RIN2: variants seen among roughly 807,000 people sequenced by gnomAD.
The protein encoded by RIN2 is RAB5 interacting protein 2.
RIN2 carries 36 observed loss-of-function variants against 78.0 expected under a neutral mutation model. The ratio of observed to expected loss-of-function variants is 0.46; its 90% confidence interval spans 0.35 to 0.61. The LOEUF (loss-of-function observed/expected upper bound fraction) is 0.61, where lower values mean the gene tolerates loss of function less well. Ranked by LOEUF, RIN2 falls within the 20% of genes least tolerant of loss-of-function variation. The pLI is 0.00. For synonymous variants in RIN2, 466 were observed against 466.8 expected (o/e 1.00, Z 0.02); for missense variants, 1,087 against 1,159.7 (o/e 0.94, Z 0.91).
intron 9 of RIN2, among the ~76,000 whole-genome samples, chr20:19,984,939 C>G (rs2146362276): frequency 6.6e-6 from 1 of 152,326 alleles, no homozygotes; most frequent in African/African-American, 2.4e-5. Context: ...ATCACCAACT[C>G]AGTTAGGTTC....
rs1397020605 is a variant in RIN2, at chr20:19,956,476, A to G, written c.159-139A>G. ...TGCCCTCAGAAAGCTTTCAGTCTGG[A>G]AGAGAAGATGATTAAGGGGGCGATC... On this transcript the variant is annotated intron_variant, in intron 4 of 12. Coordinates refer to ENST00000255006, the MANE Select transcript of RIN2 (RefSeq NM_018993.4). 5.7e-6 allele frequency: 4 copies of G among 705,146 alleles called. No individual in the cohort carries two copies. In the African/African-American group the frequency reaches 7.1e-5, roughly 12 times the overall value. 43.7% of individuals were successfully genotyped at this position (705,146 alleles called of 1,614,324 possible). A position where few individuals can be genotyped will look rare whatever the true frequency, so the allele number is the denominator to read the frequency against.
intron 5 of RIN2, among the ~76,000 whole-genome samples, chr20:19,957,152 T>G (rs1028550723): frequency 6.6e-6 from 1 of 152,174 alleles, no homozygotes; most frequent in Non-Finnish European, 1.5e-5. Context: ...CTTGGTGGCC[T>G]CTGCTACCTT....
chr20:19,917,280 T>C (rs1336522560), intron 3 of RIN2, among the ~76,000 whole-genome samples: 1 of 152,098 alleles, frequency 6.6e-6, no homozygotes, highest in Non-Finnish European at 1.5e-5. Context: ...ACCAACCAAG[T>C]GATCTGTTGC....
intron 3 of RIN2, among the ~76,000 whole-genome samples, chr20:19,905,388 C>T (rs967589561): frequency 3.3e-5 from 5 of 152,098 alleles, no homozygotes; most frequent in East Asian, 1.9e-4. Context: ...ACAAAGCAAA[C>T]GATGACACTC....
At chr20:19,936,423 A>G (rs148203708) in intron 4 of RIN2, among the ~76,000 whole-genome samples, 2 of 134,378 alleles carry the variant, frequency 1.5e-5, no homozygotes, top group Admixed American at 1.5e-4. Flanking sequence ...GAATTTCTCT[A>G]TCCTGTGCCT....
chr20:19,898,150 T>A (rs1446985774), intron 3 of RIN2, among the ~76,000 whole-genome samples: 1 of 152,228 alleles, frequency 6.6e-6, no homozygotes, highest in Non-Finnish European at 1.5e-5. Flanking sequence ...TTTTCATATT[T>A]TCAAAAAGCA....
At position 20,000,786 on chromosome 20, in the gene RIN2, G is replaced by A; in HGVS notation, c.2538G>A (p.Gln846=). The A allele has an allele frequency of 1.2e-6, 2 of 1,614,002 alleles. No individual in the cohort carries two copies. The highest frequency in any genetic ancestry group is 1.7e-6 in the Non-Finnish European group (2 of 1,179,896). Residue 846 remains glutamine, a synonymous_variant, in exon 13 of 13, where the codon CAG becomes CAA. Transcript: ENST00000255006. ...LFLFVDETWQ[Q]LAEDTYPQKI... The stretch of plus-strand genomic sequence containing the variant: ...TCTTCGTTGACGAGACATGGCAGCA[G>A]CTGGCAGAGGACACTTACCCTCAAA...
intron 2 of RIN2, among the ~76,000 whole-genome samples, chr20:19,833,700 T>C (rs1465615211): frequency 6.6e-6 from 1 of 152,230 alleles, no homozygotes; most frequent in East Asian, 1.9e-4. Context: ...TCTTCAAGCC[T>C]GGGCTGGTGC....
intron 1 of RIN2, among the ~76,000 whole-genome samples, chr20:19,795,971 G>T (rs960368755): frequency 2.0e-5 from 3 of 151,974 alleles, no homozygotes; most frequent in East Asian, 1.9e-4. Context: ...CTATAATCTT[G>T]CAGTGAGCCG....
At chr20:19,835,073 AAG>A (rs1555829777) in intron 2 of RIN2, among the ~76,000 whole-genome samples, 14 of 88,656 alleles carry the variant, frequency 1.6e-4, no homozygotes, top group East Asian at 9.8e-4. Flanking sequence ...GAAAAAGAGA[AAG>A]AGAAAGAAAG....
chr20:19,998,941 G>A (rs1446172561), intron 12 of RIN2, among the ~76,000 whole-genome samples: 1 of 152,150 alleles, frequency 6.6e-6, no homozygotes, highest in Non-Finnish European at 1.5e-5. Context: ...ACACCATAGA[G>A]CTGCCTTCTT....
intron 2 of RIN2, among the ~76,000 whole-genome samples, chr20:19,858,133 A>T (rs1394994003): frequency 2.0e-5 from 3 of 151,798 alleles, no homozygotes; most frequent in Non-Finnish European, 4.4e-5. Context: ...TTTAAAAAAA[A>T]ATATTAAGAT....
intron 7 of RIN2, among the ~76,000 whole-genome samples, chr20:19,970,221 A>G (rs2146298598): frequency 6.6e-6 from 1 of 152,360 alleles, no homozygotes; most frequent in Admixed American, 6.5e-5. Flanking sequence ...AGTCCCTCCC[A>G]GACCTCTGGA....
intron 2 of RIN2, among the ~76,000 whole-genome samples, chr20:19,865,597 C>T (rs1373301726): frequency 6.7e-6 from 1 of 149,968 alleles, no homozygotes; most frequent in East Asian, 2.0e-4. Context: ...AAGTGATCTT[C>T]CCTCCTCAGC....
intron 12 of RIN2, among the ~76,000 whole-genome samples, chr20:19,998,973 C>T (rs1164002846): frequency 6.6e-6 from 1 of 152,226 alleles, no homozygotes; most frequent in African/African-American, 2.4e-5. Context: ...CCCTCCTGCC[C>T]TCATTGACCC....
chr20:19,867,966 C>T (rs2037560391), intron 2 of RIN2, among the ~76,000 whole-genome samples: 1 of 152,240 alleles, frequency 6.6e-6, no homozygotes, highest in South Asian at 2.1e-4. Flanking sequence ...GCATCAGCAG[C>T]CTGTTCTGTG....
At chr20:19,780,681 T>C (rs2034470946) in intron 1 of RIN2, among the ~76,000 whole-genome samples, 1 of 152,184 alleles carries the variant, frequency 6.6e-6, no homozygotes, top group African/African-American at 2.4e-5. Context: ...TGGAGCTAGG[T>C]GGCCTCTGTT....
intron 4 of RIN2, among the ~76,000 whole-genome samples, chr20:19,949,415 G>A (rs187900059): frequency 6.6e-6 from 1 of 152,358 alleles, no homozygotes; most frequent in Non-Finnish European, 1.5e-5. Flanking sequence ...GCCACACAGG[G>A]CACAGCACAC....
intron 1 of RIN2, among the ~76,000 whole-genome samples, chr20:19,761,862 G>A (rs1408750011): frequency 6.6e-6 from 1 of 152,192 alleles, no homozygotes; most frequent in Non-Finnish European, 1.5e-5. Context: ...GAAGCCTTCA[G>A]ATTTCAACCA....
Sources: gnomAD v4.1 joint callset for allele counts (sites outside exome capture counted in the v4.1 genomes callset) on GRCh38, gnomAD v4.1.1 for gene constraint, MANE v1.5 for transcripts, NCBI Gene and HGNC (gene_info 2026-07-23, HGNC 2026-07-21) for gene names.